The following BMPR1B variants were observed in gnomAD, a reference collection of about 807,000 sequenced individuals.
BMPR1B encodes the protein bone morphogenetic protein receptor type-1B.
BMPR1B carries 12 observed loss-of-function variants against 59.1 expected under a neutral mutation model. The ratio of observed to expected loss-of-function variants is 0.20; its 90% CI spans 0.13 to 0.33. The LOEUF is 0.33. Among genes scored for constraint, BMPR1B ranks in the 10% least tolerant of loss-of-function variants. BMPR1B has a pLI of 1.00. For missense variants in BMPR1B, 550 were observed against 610.9 expected (o/e 0.90, Z 1.05); for synonymous variants, 237 against 207.3 (o/e 1.14, Z -1.23).
chr4:94,758,221 A>T (rs1295681518), intron 1 of BMPR1B, among the ~76,000 whole-genome samples, 153 bp downstream of exon 1: 1 of 149,490 alleles, frequency 6.7e-6, no homozygotes, highest in East Asian at 2.0e-4. Context: ...CGCCCTAGGC[A>T]GGACGGAGCG....
intron 3 of BMPR1B, among the ~76,000 whole-genome samples, chr4:95,099,320 A>G (rs1421602126): frequency 6.6e-6 from 1 of 152,158 alleles, no homozygotes; most frequent in Non-Finnish European, 1.5e-5. Context: ...TTACTTCCTT[A>G]TATTGAATGG....
At chr4:94,899,201 C>T (rs1441625324) in intron 2 of BMPR1B, among the ~76,000 whole-genome samples, 1 of 151,908 alleles carries the variant, frequency 6.6e-6, no homozygotes, top group Non-Finnish European at 1.5e-5. Context: ...CATGAGGACA[C>T]GTGGTGGCAT....
At chr4:95,087,518 T>C (rs1490878648) in intron 3 of BMPR1B, among the ~76,000 whole-genome samples, 2 of 151,776 alleles carry the variant, frequency 1.3e-5, no homozygotes, top group Admixed American at 6.6e-5. Flanking sequence ...ACTGCTTGAG[T>C]CCAGGAGTTC....
At chr4:94,832,556 C>T (rs868279411) in intron 1 of BMPR1B, among the ~76,000 whole-genome samples, 3 of 151,846 alleles carry the variant, frequency 2.0e-5, no homozygotes, top group South Asian at 2.1e-4. Context: ...CTGAGGTGGG[C>T]GGATCACTTG....
At chr4:94,780,446 CT>C (rs558400772) in intron 1 of BMPR1B, among the ~76,000 whole-genome samples, 38 of 152,098 alleles carry the variant, frequency 2.5e-4, no homozygotes, top group Non-Finnish European at 5.4e-4. Flanking sequence ...GTTGTTTATA[CT>C]TTTTGGTTAA....
At chr4:94,836,375 A>G (rs1163043792) in intron 1 of BMPR1B, among the ~76,000 whole-genome samples, 1 of 134,262 alleles carries the variant, frequency 7.4e-6, no homozygotes, top group African/African-American at 3.1e-5. Flanking sequence ...AGTCCCACCA[A>G]CAGTGTAAAA....
At chr4:94,804,940 A>G (rs528393749) in intron 1 of BMPR1B, among the ~76,000 whole-genome samples, 4 of 152,190 alleles carry the variant, frequency 2.6e-5, no homozygotes, top group Non-Finnish European at 5.9e-5. Flanking sequence ...TATTAATACT[A>G]TTTATGTTTA....
chr4:95,123,748 ACTTT>A lies in BMPR1B; in HGVS notation c.350-58_350-55del, dbSNP rs1732699571. 4 of 1,273,952 alleles carry A rather than the reference ACTTT, an allele frequency of 3.1e-6. No homozygotes were observed. The South Asian group carries it at 4.9e-5, about 15-fold the overall frequency. The allele number at this position is 1,273,952 out of a possible 1,614,324, so 78.9% of individuals were successfully genotyped here. On this transcript the variant is annotated intron_variant, in intron 6 of 12. Transcript: ENST00000515059. ...TAGCAAGTACCTTTAGGAAAGAGTT[ACTTT>A]CTTATTTTTAAGTAAAAATATTCTC...
intron 1 of BMPR1B, among the ~76,000 whole-genome samples, chr4:94,786,190 T>C (rs545990431): frequency 6.3e-4 from 96 of 152,356 alleles, no homozygotes; most frequent in Non-Finnish European, 1.0e-3. Flanking sequence ...TATAAGGTTC[T>C]GCTGGATGAA....
intron 3 of BMPR1B, among the ~76,000 whole-genome samples, chr4:95,038,198 CT>C (rs749181042): frequency 6.6e-6 from 1 of 152,084 alleles, no homozygotes; most frequent in Admixed American, 6.6e-5. Context: ...AGACACAAAG[CT>C]CTGAGCTGGA....
At chr4:94,886,491 T>A (rs2148985101) in intron 2 of BMPR1B, among the ~76,000 whole-genome samples, 1 of 152,326 alleles carries the variant, frequency 6.6e-6, no homozygotes, top group East Asian at 1.9e-4. Context: ...TGGCTTTATG[T>A]TGTATATTAT....
chr4:94,934,555 A>G (rs1326820220), intron 2 of BMPR1B, among the ~76,000 whole-genome samples: 1 of 151,210 alleles, frequency 6.6e-6, no homozygotes, highest in South Asian at 2.1e-4. Flanking sequence ...GTGCTAACCT[A>G]AACATCAGTG....
At chr4:94,843,722 G>A (rs1725195070) in intron 1 of BMPR1B, among the ~76,000 whole-genome samples, 2 of 149,744 alleles carry the variant, frequency 1.3e-5, no homozygotes, top group Non-Finnish European at 3.0e-5. Context: ...AAGAGGTGTG[G>A]TAAATGAATT....
At chr4:94,973,106 G>A (rs1476502599) in intron 2 of BMPR1B, among the ~76,000 whole-genome samples, 10 of 152,204 alleles carry the variant, frequency 6.6e-5, no homozygotes, top group African/African-American at 1.4e-4. Context: ...TGTGGGTCCC[G>A]TGACAGCATC....
chr4:94,789,787 T>A (rs1180504646), intron 1 of BMPR1B, among the ~76,000 whole-genome samples: 3 of 147,228 alleles, frequency 2.0e-5, no homozygotes, highest in African/African-American at 7.8e-5. Flanking sequence ...GTACAGTAAA[T>A]CATATATATA....
chr4:94,860,526 G>T (rs2148955937), intron 1 of BMPR1B, among the ~76,000 whole-genome samples: 1 of 152,272 alleles, frequency 6.6e-6, no homozygotes, highest in Admixed American at 6.5e-5. Context: ...AAAAACTGAG[G>T]CTGAAGGATT....
intron 3 of BMPR1B, among the ~76,000 whole-genome samples, chr4:95,063,282 G>A (rs1727542433): frequency 6.6e-6 from 1 of 152,064 alleles, no homozygotes; most frequent in African/African-American, 2.4e-5. Context: ...TTCATTTTAG[G>A]TTTTAATATG....
At chr4:94,887,451 A>G (rs1255477760) in intron 2 of BMPR1B, among the ~76,000 whole-genome samples, 1 of 150,216 alleles carries the variant, frequency 6.7e-6, no homozygotes, top group Non-Finnish European at 1.5e-5. Context: ...CTGTGTCTAC[A>G]TTCTAAACAT....
chr4:94,777,129 T>A (rs2110580628), intron 1 of BMPR1B, among the ~76,000 whole-genome samples: 1 of 152,280 alleles, frequency 6.6e-6, no homozygotes, highest in Admixed American at 6.5e-5. Context: ...TTAATATTTA[T>A]ATGAAAGCTT....
Sources: gnomAD v4.1 joint callset for allele counts (sites outside exome capture counted in the v4.1 genomes callset) on GRCh38, gnomAD v4.1.1 for gene constraint, MANE v1.5 for transcripts, NCBI Gene and HGNC (gene_info 2026-07-23, HGNC 2026-07-21) for gene names.